DAGLB: variants seen among roughly 807,000 people sequenced by gnomAD.
The protein encoded by DAGLB is diacylglycerol lipase beta.
In DAGLB, 66 loss-of-function variants were observed where a neutral mutation model predicts 72.1. The observed-to-expected ratio is 0.92, with a 90% CI of 0.75 to 1.12. The LOEUF is 1.12. DAGLB is among the 50% of genes most tolerant of loss of function. The pLI is 0.00. For synonymous variants in DAGLB, 414 were observed against 359.5 expected, an observed-to-expected ratio of 1.15 and a Z score of -1.71; for missense variants, 1,065 against 884.9, an observed-to-expected ratio of 1.20 and a Z score of -2.58.
intron 1 of DAGLB, among the ~76,000 whole-genome samples, chr7:6,446,511 GAAAT>G (rs1785009141): frequency 1.4e-5 from 1 of 72,820 alleles, no homozygotes; most frequent in Non-Finnish European, 2.8e-5. Context: ...AAAAAAAAAA[GAAAT>G]AAAAGGAGTT....
intron 2 of DAGLB, 114 bp from the exon 3 acceptor site, chr7:6,436,647 T>G: frequency 1.5e-6 from 2 of 1,313,868 alleles, no homozygotes; most frequent in Non-Finnish European, 2.1e-6. Context: ...CACACCCGCC[T>G]CCTGACTTTT....
At chr7:6,424,232 C>A (rs1296196708) in intron 8 of DAGLB, among the ~76,000 whole-genome samples, 1 of 152,174 alleles carries the variant, frequency 6.6e-6, no homozygotes, top group East Asian at 1.9e-4. Flanking sequence ...GGAGTATGGA[C>A]TGAGGAAGAC....
chr7:6,428,461 C>A (rs190225588), intron 6 of DAGLB, among the ~76,000 whole-genome samples: 390 of 150,968 alleles, frequency 2.6e-3, no homozygotes, highest in Non-Finnish European at 4.4e-3. Flanking sequence ...CATTTACTTA[C>A]TTGTTTTTTG....
chr7:6,441,148 T>TG, intron 2 of DAGLB, among the ~76,000 whole-genome samples: 1 of 150,906 alleles, frequency 6.6e-6, no homozygotes, highest in East Asian at 2.0e-4. Flanking sequence ...TGGAGTGCAG[T>TG]GGCGCGATCT....
At chr7:6,439,127 C>G (rs992810760) in intron 2 of DAGLB, among the ~76,000 whole-genome samples, 2 of 151,910 alleles carry the variant, frequency 1.3e-5, no homozygotes, top group African/African-American at 2.4e-5. Flanking sequence ...TGGTGGTGTG[C>G]TCATGTAGTC....
At chr7:6,424,018 C>T (rs1294540956) in intron 8 of DAGLB, among the ~76,000 whole-genome samples, 4 of 152,062 alleles carry the variant, frequency 2.6e-5, no homozygotes, top group African/African-American at 9.7e-5. Flanking sequence ...AGTTTGGGGT[C>T]CTGGCCCTGG....
chr7:6,412,666 A>G lies in DAGLB; in HGVS notation c.1569+145T>C, dbSNP rs1011909984. ...CTTAGACATCACAGAGTCCTAGCCC[A>G]GAATCTGATCAGATGGTGGAAGGAG... On this transcript the variant is annotated intron_variant, in intron 13 of 14. Coordinates refer to ENST00000297056, the MANE Select transcript of DAGLB (RefSeq NM_139179.4). 1.2e-5 allele frequency: 11 copies of G among 915,406 alleles called. No homozygotes were observed. In the African/African-American group the frequency reaches 1.6e-4, roughly 14 times the overall value. The allele number at this position is 915,406 out of a possible 1,614,324, so 56.7% of individuals were successfully genotyped here.
In DAGLB at chr7:6,410,234, G is replaced by C. The variant is rs1236254352; in HGVS notation, c.1716C>G (p.Ala572=). ...EQSLLTRWSP[A]YSFSSDSPLD... Reference sequence around the variant, plus strand: ...GTGGGGAGTCGCTGGAGAAGCTGTAGGCCGGGGACCAGCGCGTCAGTAGGC... The same window carrying C: ...GTGGGGAGTCGCTGGAGAAGCTGTACGCCGGGGACCAGCGCGTCAGTAGGC... The change falls in exon 14 of 15, where the codon GCC becomes GCG. Residue 572 remains alanine (A), a synonymous_variant. Coordinates refer to ENST00000297056, the MANE Select transcript of DAGLB (RefSeq NM_139179.4). The C allele has an allele frequency of 1.2e-6, 2 of 1,612,356 alleles. No homozygotes were observed. Among genetic ancestry groups the C allele is most frequent in the Non-Finnish European group, 1.7e-6 (2 of 1,179,206 alleles).
chr7:6,435,761 G>A (rs1784635617), intron 3 of DAGLB, among the ~76,000 whole-genome samples: 3 of 152,268 alleles, frequency 2.0e-5, no homozygotes, highest in South Asian at 2.1e-4. Context: ...ACGCCGGATT[G>A]AGGAGCACAC....
At position 6,424,738 on chromosome 7, in the gene DAGLB, G is replaced by A. The variant is rs754652487; in HGVS notation, c.1140+14C>T. 1 of 1,613,026 alleles carries A rather than the reference G, an allele frequency of 6.2e-7. No individual in the cohort carries two copies. The highest frequency in any genetic ancestry group is 1.3e-5 in the African/African-American group (1 of 74,890). ...ACCCACTCCCAGGGCTGGAAAGTCAGGTTCCAACGTTACCTGCAGAGACAT... is the reference window on the plus strand; with the variant it reads ...ACCCACTCCCAGGGCTGGAAAGTCAAGTTCCAACGTTACCTGCAGAGACAT... On this transcript the variant is annotated intron_variant, in intron 8 of 14. Transcript: ENST00000297056.
At position 6,409,539 on chromosome 7, in the gene DAGLB, A is replaced by C. The variant is rs1783645591; in HGVS notation, c.*298T>G. ...CCCTGGATTCCCGCACTTCTGGAGC[A>C]GTCCTCAGACAGCCAAGGGATCCAT... is the stretch of plus-strand genomic sequence containing the variant. On this transcript the variant is annotated 3_prime_UTR_variant, in exon 15 of 15. Transcript: ENST00000297056. 4.5e-6 allele frequency: 2 copies of C among 441,364 alleles called. No individual in the cohort carries two copies. 27.3% of individuals were successfully genotyped at this position (441,364 alleles called of 1,614,324 possible). A position where few individuals can be genotyped will look rare whatever the true frequency, so the allele number is the denominator to read the frequency against.
At chr7:6,412,134 C>T (rs964931385) in intron 13 of DAGLB, among the ~76,000 whole-genome samples, 9 of 152,092 alleles carry the variant, frequency 5.9e-5, no homozygotes, top group South Asian at 2.1e-4. Context: ...ACTCTGGTCT[C>T]GATCTCCTGA....
intron 2 of DAGLB, among the ~76,000 whole-genome samples, chr7:6,441,421 CT>C (rs777739932): frequency 2.4e-3 from 259 of 106,134 alleles, no homozygotes; most frequent in Middle Eastern, 0.018. Context: ...ACATTTTTTT[CT>C]TTTTTTTTTT....
chr7:6,430,718 T>TTA, intron 5 of DAGLB, 111 bp from the exon 6 acceptor site: 1 of 1,236,614 alleles, frequency 8.1e-7, no homozygotes. Context: ...TGCTCCTTCG[T>TTA]TGAATAGAAC....
chr7:6,419,081 CT>C (rs1199596102), intron 9 of DAGLB, among the ~76,000 whole-genome samples: 5,572 of 128,132 alleles, frequency 0.043, 96 homozygotes, highest in East Asian at 0.22. Flanking sequence ...ATGGCACTTC[CT>C]TTTTTTTTTT....
chr7:6,434,405 C>T (rs566513587), intron 4 of DAGLB, among the ~76,000 whole-genome samples: 111 of 152,258 alleles, frequency 7.3e-4, no homozygotes, highest in African/African-American at 2.2e-3. Context: ...ATTCCAACCT[C>T]GATTCATGCC....
At chr7:6,429,819 C>G (rs536059558) in intron 6 of DAGLB, among the ~76,000 whole-genome samples, 1 of 151,724 alleles carries the variant, frequency 6.6e-6, no homozygotes, top group African/African-American at 2.4e-5. Context: ...CCGAGGCAGA[C>G]GGATCACGAG....
In DAGLB at chr7:6,416,659, G is replaced by T; in HGVS notation, c.1395C>A (p.Cys465Ter). The change falls in exon 11 of 15, where the codon TGC (cysteine) becomes TGA (stop). Residue 465 changes from cysteine (C) to a stop codon, truncating the protein, a stop_gained. Transcript: ENST00000297056. LOFTEE classifies it high-confidence loss of function. The stretch of plus-strand genomic sequence containing the variant: ...GCCCCCGGGGTGGGGAGAAGGCGTA[G>T]CACCTGACCTGCGGGTAGGCGGCTC... Reference protein sequence around the residue: ...MLRAAYPQVRCYAFSPPRGLW... With the variant: ...MLRAAYPQVR The T allele has an allele frequency of 6.2e-7, 1 of 1,613,428 alleles. No homozygotes were observed. Among genetic ancestry groups the T allele is most frequent in the East Asian group, 2.2e-5 (1 of 44,872 alleles).
Position 6,447,854 on chromosome 7 carries a change from C to G in DAGLB, c.-12G>C. Reference sequence around the variant, plus strand: ...ACCATCCCCGGCATGGCGAAGGTCCCGTAGCTCGCACTCAGGAGAGACCCC... The same window carrying G: ...ACCATCCCCGGCATGGCGAAGGTCCGGTAGCTCGCACTCAGGAGAGACCCC... On this transcript the variant is annotated 5_prime_UTR_variant, in exon 1 of 15. Coordinates refer to ENST00000297056, the MANE Select transcript of DAGLB (RefSeq NM_139179.4). 1.2e-6 allele frequency: 2 copies of G among 1,605,950 alleles called. No homozygotes were observed. Among genetic ancestry groups the G allele is most frequent in the Non-Finnish European group, 1.7e-6 (2 of 1,176,964 alleles).
Sources: allele counts gnomAD v4.1 joint callset (sites outside exome capture counted in the v4.1 genomes callset), GRCh38; gene constraint gnomAD v4.1.1; transcripts MANE v1.5; gene names NCBI Gene and HGNC (gene_info 2026-07-23, HGNC 2026-07-21).